Variants in N4BP2L2 observed in about 807,000 individuals in gnomAD.
N4BP2L2 encodes the protein NEDD4-binding protein 2-like 2.
N4BP2L2 carries 50 observed loss-of-function variants against 56.2 expected under a neutral mutation model. The observed-to-expected ratio is 0.89, with a 90% CI of 0.71 to 1.13. The LOEUF (loss-of-function observed/expected upper bound fraction) is 1.13, where lower values mean the gene tolerates loss of function less well. N4BP2L2 is among the 50% of genes most tolerant of loss of function. The pLI is 0.00. For synonymous variants in N4BP2L2, 203 were observed against 223.6 expected (o/e 0.91, Z 0.82); for missense variants, 689 against 693.8 (o/e 0.99, Z 0.08).
intron 6 of N4BP2L2, chr13:32,504,568 T>G (rs532082820): frequency 1.3e-5 from 2 of 152,302 alleles, no homozygotes; most frequent in Admixed American, 1.3e-4. Context: ...AGTTAGGACT[T>G]TAACTTATAT....
exon 6 of N4BP2L2, chr13:32,516,135 A>G (rs1166492745): frequency 5.9e-5 from 9 of 152,234 alleles, no homozygotes; most frequent in Admixed American, 5.9e-4. Context: ...CACCTGTCCC[A>G]AAATGAAATC....
intron 3 of N4BP2L2, chr13:32,526,818 G>GTTTTTTTTTTTTTTTTTTTTTTTT (rs35925361): frequency 8.3e-5 from 2 of 24,236 alleles, no homozygotes; most frequent in African/African-American, 2.7e-4. Context: ...CTTTTTGTCT[G>GTTTTTTTTTTTTTTTTTTTTTTTT]TTTTTTTTTT....
chr13:32,508,610 G>T (rs777565352), downstream of N4BP2L2: 23 of 152,080 alleles, frequency 1.5e-4, no homozygotes, highest in Non-Finnish European at 2.9e-4. Flanking sequence ...TTAACTGAAA[G>T]AAAGTTACTG....
chr13:32,491,001 A>C (rs1299409509), intron 6 of N4BP2L2, among the ~76,000 whole-genome samples: 1 of 7,668 alleles, frequency 1.3e-4, no homozygotes, highest in African/African-American at 3.6e-4. Context: ...AGATTAAAGC[A>C]AAAAAAAAAA....
intron 6 of N4BP2L2, chr13:32,446,581 C>CACTGGTG: frequency 8.2e-7 from 1 of 1,226,682 alleles, no homozygotes; most frequent in East Asian, 5.7e-5. Context: ...CTCACTGCAG[C>CACTGGTG]ACTGGTGATT....
At chr13:32,497,066 C>A (rs2088851290) in intron 6 of N4BP2L2, among the ~76,000 whole-genome samples, 2 of 152,140 alleles carry the variant, frequency 1.3e-5, no homozygotes, top group African/African-American at 4.8e-5. Flanking sequence ...AAAACAAGGT[C>A]TCTTTTGGTC....
intron 6 of N4BP2L2, among the ~76,000 whole-genome samples, chr13:32,468,124 CT>C: frequency 6.6e-6 from 1 of 151,796 alleles, no homozygotes; most frequent in South Asian, 2.1e-4. Flanking sequence ...GAAGTAGGGG[CT>C]AAAGAAAAAG....
At chr13:32,436,547 T>TG (rs1437334669) in intron 8 of N4BP2L2, 2 of 359,968 alleles carry the variant, frequency 5.6e-6, no homozygotes, top group African/African-American at 4.3e-5. Flanking sequence ...CCCAGCACTT[T>TG]GGGAGGCCGA....
intron 6 of N4BP2L2, among the ~76,000 whole-genome samples, chr13:32,469,533 T>C (rs944305295): frequency 4.6e-5 from 7 of 151,976 alleles, no homozygotes; most frequent in African/African-American, 1.5e-4. Context: ...TGCCAGAAAA[T>C]AGAGCATAAG....
intron 6 of N4BP2L2, among the ~76,000 whole-genome samples, chr13:32,448,035 T>C (rs2077304599): frequency 6.6e-6 from 1 of 152,116 alleles, no homozygotes; most frequent in Non-Finnish European, 1.5e-5. Context: ...TGCCAAGAGG[T>C]ATGAAAATCT....
chr13:32,537,045 C>T lies in N4BP2L2; in HGVS notation c.1-18G>A. On this transcript the variant is annotated intron_variant, in intron 1 of 5. Coordinates refer to ENST00000267068, the Ensembl canonical transcript of N4BP2L2. ...TAAGACATCTGAGAAATAAATAAATCATACAATTACTAGCTAATATATTAA... is the reference window on the plus strand; with the variant it reads ...TAAGACATCTGAGAAATAAATAAATTATACAATTACTAGCTAATATATTAA... 1 of 1,432,040 alleles carries T rather than the reference C, an allele frequency of 7.0e-7. No individual in the cohort carries two copies. The highest frequency in any genetic ancestry group is 9.3e-7 in the Non-Finnish European group (1 of 1,072,862). 88.7% of individuals were successfully genotyped at this position (1,432,040 alleles called of 1,614,324 possible).
intron 6 of N4BP2L2, among the ~76,000 whole-genome samples, chr13:32,448,371 T>C (rs528497802): frequency 1.6e-4 from 24 of 152,122 alleles, no homozygotes; most frequent in African/African-American, 5.1e-4. Flanking sequence ...AATGGTACCA[T>C]TAGAAGAAAA....
chr13:32,538,074 G>C (rs113563094), intron 1 of N4BP2L2, among the ~76,000 whole-genome samples: 2 of 136,788 alleles, frequency 1.5e-5, no homozygotes, highest in Admixed American at 7.2e-5. Flanking sequence ...CCGTCTTGGG[G>C]GGGGGGGGCG....
At chr13:32,489,235 G>A (rs555447330) in intron 6 of N4BP2L2, among the ~76,000 whole-genome samples, 18 of 152,140 alleles carry the variant, frequency 1.2e-4, no homozygotes, top group African/African-American at 2.2e-4. Flanking sequence ...CATCAGCTAC[G>A]AATTAGAATA....
intron 6 of N4BP2L2, chr13:32,477,489 T>C (rs1447846917): frequency 5.1e-6 from 1 of 197,512 alleles, no homozygotes; most frequent in East Asian, 1.2e-4. Flanking sequence ...TTATAGAAGA[T>C]TGTAAATGAC....
chr13:32,440,851 C>CT (rs34532527), intron 7 of N4BP2L2, among the ~76,000 whole-genome samples: 40,184 of 134,584 alleles, frequency 0.3, 6,515 homozygotes, highest in South Asian at 0.43. Context: ...AAATAACAAT[C>CT]TTTTTTTTTT....
chr13:32,477,291 T>C (rs1205907312), intron 6 of N4BP2L2: 2 of 227,042 alleles, frequency 8.8e-6, no homozygotes, highest in Non-Finnish European at 1.8e-5. Context: ...TAAGAACCAT[T>C]TGCTGCAAAA....
At chr13:32,520,932 T>C (rs1311783113) in intron 5 of N4BP2L2, among the ~76,000 whole-genome samples, 2 of 152,246 alleles carry the variant, frequency 1.3e-5, no homozygotes, top group African/African-American at 4.8e-5. Flanking sequence ...GTTATTTACT[T>C]GAATTGACTA....
chr13:32,486,985 C>A (rs531099486), intron 6 of N4BP2L2, among the ~76,000 whole-genome samples: 1 of 151,674 alleles, frequency 6.6e-6, no homozygotes, highest in African/African-American at 2.4e-5. Context: ...GGCTACAGAG[C>A]GAGACTCCAT....
Sources: gnomAD v4.1 joint callset for allele counts (sites outside exome capture counted in the v4.1 genomes callset) on GRCh38, gnomAD v4.1.1 for gene constraint, MANE v1.5 for transcripts, NCBI Gene and HGNC (gene_info 2026-07-23, HGNC 2026-07-21) for gene names.